Variants in SEC24D observed in about 807,000 individuals in gnomAD.
SEC24D encodes the protein SEC24 homolog D, COPII component.
Under a neutral mutation model 116.9 loss-of-function variants are expected in SEC24D, and 69 were observed. The observed-to-expected ratio is 0.59, with a 90% CI of 0.49 to 0.72. The LOEUF is 0.72. Among genes scored for constraint, SEC24D ranks in the 30% least tolerant of loss-of-function variants. The pLI is 0.00. For missense variants in SEC24D, 1,131 were observed against 1,264.1 expected, an observed-to-expected ratio of 0.89 and a Z score of 1.60; for synonymous variants, 405 against 442.8, an observed-to-expected ratio of 0.91 and a Z score of 1.07.
At chr4:118,777,902 A>C (rs1226606687) in intron 8 of SEC24D, among the ~76,000 whole-genome samples, 1 of 152,230 alleles carries the variant, frequency 6.6e-6, no homozygotes, top group African/African-American at 2.4e-5. Context: ...GGCTCCATAA[A>C]TGTCCTCTTT....
intron 10 of SEC24D, among the ~76,000 whole-genome samples, chr4:118,763,523 A>C (rs1317525894): frequency 6.6e-6 from 1 of 152,212 alleles, no homozygotes; most frequent in Non-Finnish European, 1.5e-5. Context: ...AGAGAAAATA[A>C]GAAAATAAGT....
At chr4:118,801,585 C>T (rs999327808) in intron 7 of SEC24D, among the ~76,000 whole-genome samples, 2 of 152,122 alleles carry the variant, frequency 1.3e-5, no homozygotes, top group African/African-American at 4.8e-5. Context: ...AGACCATGAA[C>T]TAAGAATTTT....
rs374089272 is a variant in SEC24D, at chr4:118,734,420, C to T, written c.2497-1508G>A. ...TAGAGATGGGGTTTCGCCATGTTGG[C>T]CAGGCTGGTCTCAAACTCCTGACCT... On this transcript the variant is annotated intron_variant, in intron 19 of 22. Coordinates refer to ENST00000280551, the MANE Select transcript of SEC24D (RefSeq NM_014822.4). Among the ~76,000 whole-genome samples the T allele has an allele frequency of 1.1e-4, 16 of 151,986 alleles. No individual in the cohort carries two copies. The South Asian group carries it at 3.3e-3, about 32-fold the overall frequency.
chr4:118,740,542 G>T, intron 17 of SEC24D, 121 bp downstream of exon 17: 1 of 1,099,780 alleles, frequency 9.1e-7, no homozygotes, highest in Non-Finnish European at 1.3e-6. Context: ...TTTTGACTTT[G>T]GAGAAAGAGT....
At chr4:118,825,020 T>G (rs1300805412) in intron 2 of SEC24D, among the ~76,000 whole-genome samples, 1 of 152,126 alleles carries the variant, frequency 6.6e-6, no homozygotes, top group Non-Finnish European at 1.5e-5. Context: ...AATTTGCATA[T>G]GACAGAGGCA....
Position 118,815,583 on chromosome 4 carries a change from G to A in SEC24D, c.541C>T (p.Pro181Ser), listed in dbSNP as rs1385815567. The A allele has an allele frequency of 1.2e-5, 19 of 1,614,104 alleles. No homozygotes were observed. Among genetic ancestry groups the A allele is most frequent in the Admixed American group, 1.7e-5 (1 of 60,016 alleles). ...GGTAGAGGCAAAGGTGAGGCACCAGGACCATTGAGTGTGGTGGGTGGTGGT... is the reference window on the plus strand; with the variant it reads ...GGTAGAGGCAAAGGTGAGGCACCAGAACCATTGAGTGTGGTGGGTGGTGGT... ...LPPPPTTLNG[P>S]GASPLPLPMY... is the part of the protein sequence containing the mutation. The change falls in exon 5 of 23, where the codon CCT becomes TCT. Residue 181 changes from proline to serine, a missense_variant. Physicochemically the swap from Pro to Ser is moderately conservative, Grantham distance 74 (BLOSUM62 -1). Coordinates refer to ENST00000280551, the MANE Select transcript of SEC24D (RefSeq NM_014822.4).
At chr4:118,738,055 C>T (rs2110437517) in intron 19 of SEC24D, 1 of 485,650 alleles carries the variant, frequency 2.1e-6, no homozygotes, top group East Asian at 3.5e-5. Flanking sequence ...TATGCACATC[C>T]ATTTTTTTTG....
chr4:118,768,028 T>G, intron 9 of SEC24D, 145 bp downstream of exon 9: 1 of 582,930 alleles, frequency 1.7e-6, no homozygotes, highest in Non-Finnish European at 2.8e-6. Context: ...ATAGAGCCTG[T>G]CATAGTTGGT....
At chr4:118,771,385 C>A (rs1002398600) in intron 8 of SEC24D, among the ~76,000 whole-genome samples, 55 of 152,138 alleles carry the variant, frequency 3.6e-4, no homozygotes, top group Non-Finnish European at 7.6e-4. Flanking sequence ...GCTATAAAAA[C>A]CTCACCTGGC....
intron 22 of SEC24D, among the ~76,000 whole-genome samples, chr4:118,725,388 C>A (rs144131335): frequency 6.6e-6 from 1 of 152,204 alleles, no homozygotes; most frequent in African/African-American, 2.4e-5. Context: ...TATGTTTTAT[C>A]CACCCTCTCC....
chr4:118,834,764 T>C (rs1731017885), intron 1 of SEC24D, among the ~76,000 whole-genome samples: 1 of 152,180 alleles, frequency 6.6e-6, no homozygotes, highest in South Asian at 2.1e-4. Flanking sequence ...CTACAATTTA[T>C]CTCCAGTTTA....
At chr4:118,724,999 C>A (rs1202519081) in intron 22 of SEC24D, among the ~76,000 whole-genome samples, 1 of 152,232 alleles carries the variant, frequency 6.6e-6, no homozygotes, top group Admixed American at 6.5e-5. Flanking sequence ...GCAGGGCCCT[C>A]CCTACTTTTG....
intron 4 of SEC24D, among the ~76,000 whole-genome samples, chr4:118,816,584 C>A (rs1034178326): frequency 2.0e-5 from 3 of 152,194 alleles, no homozygotes; most frequent in Non-Finnish European, 2.9e-5. Context: ...AACTGGGTTG[C>A]TTCTTTGGAG....
chr4:118,738,258 CA>C lies in SEC24D; in HGVS notation c.2496+2del. The stretch of plus-strand genomic sequence containing the variant: ...TAACATCTATGTGCAATAGGTAGCT[CA>C]CCTGGCTTGCTGCAGAAGGACTTGC... On this transcript the variant is annotated splice_donor_variant, in intron 19 of 22. Coordinates refer to ENST00000280551, the MANE Select transcript of SEC24D (RefSeq NM_014822.4). LOFTEE classifies it high-confidence loss of function. 2 of 1,593,246 alleles carry C rather than the reference CA, an allele frequency of 1.3e-6. No homozygotes were observed. Among genetic ancestry groups the C allele is most frequent in the East Asian group, 4.5e-5 (2 of 44,730 alleles).
chr4:118,807,510 G>A (rs1446447371), intron 6 of SEC24D, among the ~76,000 whole-genome samples: 1 of 151,466 alleles, frequency 6.6e-6, no homozygotes, highest in Non-Finnish European at 1.5e-5. Context: ...AATGGAGAGG[G>A]TGTAAGAAGA....
chr4:118,794,259 T>C (rs1729077070), intron 8 of SEC24D, among the ~76,000 whole-genome samples: 2 of 152,294 alleles, frequency 1.3e-5, no homozygotes, highest in East Asian at 1.9e-4. Context: ...AGTGAATAAT[T>C]TTATAATAAT....
intron 3 of SEC24D, among the ~76,000 whole-genome samples, chr4:118,821,635 C>T (rs1730408870): frequency 6.6e-6 from 1 of 152,114 alleles, no homozygotes; most frequent in Non-Finnish European, 1.5e-5. Flanking sequence ...AATTTAGATA[C>T]AGTAAAATTA....
At position 118,725,131 on chromosome 4, in the gene SEC24D, A is replaced by C. The variant is rs559188331; in HGVS notation, c.2959-1476T>G. Among the ~76,000 whole-genome samples, 3 of 152,310 alleles carry C rather than the reference A, an allele frequency of 2.0e-5. No homozygotes were observed. In the South Asian group the frequency reaches 6.2e-4, roughly 32 times the overall value. ...GGTTTTAAGTTGCCCCGACCTAGTAAAAATAATAATATATAAGAACAACTG... is the reference window on the plus strand; with the variant it reads ...GGTTTTAAGTTGCCCCGACCTAGTACAAATAATAATATATAAGAACAACTG... On this transcript the variant is annotated intron_variant, in intron 22 of 22. Coordinates refer to ENST00000280551, the MANE Select transcript of SEC24D (RefSeq NM_014822.4).
chr4:118,777,329 T>C (rs1298427234), intron 8 of SEC24D, among the ~76,000 whole-genome samples: 5 of 152,194 alleles, frequency 3.3e-5, no homozygotes, highest in African/African-American at 9.6e-5. Flanking sequence ...AGTGTTCTCA[T>C]TGTTCAATTC....
Sources: allele counts gnomAD v4.1 joint callset (sites outside exome capture counted in the v4.1 genomes callset), GRCh38; gene constraint gnomAD v4.1.1; transcripts MANE v1.5; gene names NCBI Gene and HGNC (gene_info 2026-07-23, HGNC 2026-07-21).